PRNP: variants seen among roughly 807,000 people sequenced by gnomAD.
The protein encoded by PRNP is major prion protein.
A neutral mutation model predicts 21.3 loss-of-function variants in PRNP; 15 were observed. The ratio of observed to expected loss-of-function variants is 0.71; its 90% CI spans 0.47 to 1.09. The LOEUF is 1.09. PRNP is among the 50% of genes least tolerant of loss of function. PRNP has a pLI of 0.00. For missense variants in PRNP, 285 were observed against 340.9 expected, an observed-to-expected ratio of 0.84 and a Z score of 1.29; for synonymous variants, 121 against 123.1, an observed-to-expected ratio of 0.98 and a Z score of 0.11.
intron 1 of PRNP, among the ~76,000 whole-genome samples, chr20:4,698,415 A>G (rs1922305926): frequency 6.6e-6 from 1 of 152,168 alleles, no homozygotes; most frequent in African/African-American, 2.4e-5. Flanking sequence ...ATTTGCAGCT[A>G]ATTGGGTGAT....
rs776188950 is a variant in PRNP, at chr20:4,699,379, C to T, written c.159C>T (p.Gly53=). Residue 53 remains glycine (G), a synonymous_variant, in exon 2 of 2, where the codon GGC becomes GGT. Coordinates refer to ENST00000379440, the MANE Select transcript of PRNP (RefSeq NM_000311.5). This position sits in a 1 kb window ranked among gnomAD's most constrained non-coding sequence, Gnocchi z 5.8. ...SPGGNRYPPQ[G]GGGWGQPHGG... ...GAGGCAACCGCTACCCACCTCAGGGCGGTGGTGGCTGGGGGCAGCCTCATG... is the reference window on the plus strand; with the variant it reads ...GAGGCAACCGCTACCCACCTCAGGGTGGTGGTGGCTGGGGGCAGCCTCATG... 82 of 1,613,174 alleles carry T rather than the reference C, an allele frequency of 5.1e-5. No homozygotes were observed. The Middle Eastern group carries it at 6.7e-4, about 13-fold the overall frequency.
chr20:4,695,332 G>A (rs1410214363), intron 1 of PRNP, among the ~76,000 whole-genome samples: 1 of 151,962 alleles, frequency 6.6e-6, no homozygotes, highest in Non-Finnish European at 1.5e-5. Flanking sequence ...TCCTCTGCAT[G>A]CGTCCATGTG....
chr20:4,688,811 C>T (rs1921637856), intron 1 of PRNP, among the ~76,000 whole-genome samples: 1 of 152,194 alleles, frequency 6.6e-6, no homozygotes, highest in African/African-American at 2.4e-5. Flanking sequence ...AAAGGAAAAG[C>T]ACAGAAAATG....
chr20:4,696,541 A>G (rs1382338070), intron 1 of PRNP, among the ~76,000 whole-genome samples: 1 of 152,176 alleles, frequency 6.6e-6, no homozygotes, highest in Non-Finnish European at 1.5e-5. Context: ...TTCTATGTGC[A>G]TGATCACACT....
In PRNP at chr20:4,700,527, G is replaced by A. The variant is rs1922537333; in HGVS notation, c.*545G>A. On this transcript the variant is annotated 3_prime_UTR_variant, in exon 2 of 2. Coordinates refer to ENST00000379440, the MANE Select transcript of PRNP (RefSeq NM_000311.5). This position sits in a 1 kb window ranked among gnomAD's most constrained non-coding sequence, Gnocchi z 4.1. ...CTTGGGATGCAGGCTCAGCCCGCTG[G>A]AGCATGAGCTCTGTGTGTACCGAGA... 1 of 312,184 alleles carries A rather than the reference G, an allele frequency of 3.2e-6. No homozygotes were observed. The highest frequency in any genetic ancestry group is 2.2e-5 in the African/African-American group (1 of 45,490). The allele number at this position is 312,184 out of a possible 1,614,324, so 19.3% of individuals were successfully genotyped here. A position where few individuals can be genotyped will look rare whatever the true frequency, so the allele number is the denominator to read the frequency against.
chr20:4,689,116 G>A (rs1921663247), intron 1 of PRNP, among the ~76,000 whole-genome samples: 1 of 152,060 alleles, frequency 6.6e-6, no homozygotes, highest in Non-Finnish European at 1.5e-5. Flanking sequence ...ATCAATTCTA[G>A]TTTTTTGTTG....
chr20:4,686,843 G>C lies in PRNP; in HGVS notation c.-11+331G>C, dbSNP rs1485650723. On this transcript the variant is annotated intron_variant, in intron 1 of 1. Transcript: ENST00000379440. This position sits in a 1 kb window ranked among gnomAD's most constrained non-coding sequence, Gnocchi z 6.7. ...TGTCTCAGCGCCCCCTGCACCCCGC[G>C]CGGGTCCGGCCCAGCGGGCGATCGC... The C allele has an allele frequency of 1.3e-5, 2 of 151,654 alleles. No individual in the cohort carries two copies. Among genetic ancestry groups the C allele is most frequent in the Non-Finnish European group, 2.9e-5 (2 of 67,864 alleles). The allele number at this position is 151,654 out of a possible 1,614,324, so 9.4% of individuals were successfully genotyped here.
chr20:4,695,008 C>T (rs1002684476), intron 1 of PRNP, among the ~76,000 whole-genome samples: 1 of 151,878 alleles, frequency 6.6e-6, no homozygotes, highest in East Asian at 1.9e-4. Context: ...TGTAAGAATT[C>T]CTTGCAAGTT....
At chr20:4,691,259 T>C (rs1921810023) in intron 1 of PRNP, among the ~76,000 whole-genome samples, 1 of 152,186 alleles carries the variant, frequency 6.6e-6, no homozygotes, top group Non-Finnish European at 1.5e-5. Flanking sequence ...ATAGAATCCC[T>C]ATCAAAATAC....
chr20:4,695,358 T>A (rs1056929943), intron 1 of PRNP, among the ~76,000 whole-genome samples: 1 of 152,148 alleles, frequency 6.6e-6, no homozygotes, highest in Admixed American at 6.5e-5. Flanking sequence ...ATCATTTAGG[T>A]CCCACTTATA....
rs533534882 is a variant in PRNP, at chr20:4,688,296, C to T, written c.-11+1784C>T. Among the ~76,000 whole-genome samples the T allele has an allele frequency of 7.9e-5, 12 of 152,260 alleles. No individual in the cohort carries two copies. The East Asian group carries it at 2.3e-3, about 29-fold the overall frequency. ...TCAAGTGTCTGGGGAGGTGGCAGGGCTTTGGGGTCACAAAGATGGTTCTGC... is the reference window on the plus strand; with the variant it reads ...TCAAGTGTCTGGGGAGGTGGCAGGGTTTTGGGGTCACAAAGATGGTTCTGC... On this transcript the variant is annotated intron_variant, in intron 1 of 1. Transcript: ENST00000379440.
rs1015540959 is a variant in PRNP at position 4,699,216 on chromosome 20, T to C, written c.-5T>C. The C allele has an allele frequency of 5.0e-6, 8 of 1,613,878 alleles. No homozygotes were observed. The highest frequency in any genetic ancestry group is 6.8e-6 in the Non-Finnish European group (8 of 1,180,044). On this transcript the variant is annotated 5_prime_UTR_variant, in exon 2 of 2. Coordinates refer to ENST00000379440, the MANE Select transcript of PRNP (RefSeq NM_000311.5). This position sits in a 1 kb window ranked among gnomAD's most constrained non-coding sequence, Gnocchi z 5.8. The stretch of plus-strand genomic sequence containing the variant: ...TTCTCCTCTTCATTTTGCAGAGCAG[T>C]CATTATGGCGAACCTTGGCTGCTGG...
intron 1 of PRNP, among the ~76,000 whole-genome samples, chr20:4,695,793 C>T (rs1922131641): frequency 6.6e-6 from 1 of 152,218 alleles, no homozygotes; most frequent in South Asian, 2.1e-4. Context: ...CTTCTAGCGC[C>T]AAACTTGTAC....
chr20:4,692,863 G>A (rs1340948430), intron 1 of PRNP, among the ~76,000 whole-genome samples: 1 of 152,124 alleles, frequency 6.6e-6, no homozygotes, highest in Non-Finnish European at 1.5e-5. Flanking sequence ...GTGGCTAAGT[G>A]TGCCCACCTG....
chr20:4,698,479 C>T (rs1020456330), intron 1 of PRNP, among the ~76,000 whole-genome samples: 4 of 152,052 alleles, frequency 2.6e-5, no homozygotes, highest in Non-Finnish European at 4.4e-5. Flanking sequence ...GCAACAGTTT[C>T]GGTTGCACGT....
Position 4,700,008 on chromosome 20 carries a change from T to C in PRNP, c.*26T>C. Reference sequence around the variant, plus strand: ...GGAAGGTCTTCCTGTTTTCACCATCTTTCTAATCTTTTTCCAGCTTGAGGG... The same window carrying C: ...GGAAGGTCTTCCTGTTTTCACCATCCTTCTAATCTTTTTCCAGCTTGAGGG... On this transcript the variant is annotated 3_prime_UTR_variant, in exon 2 of 2. Coordinates refer to ENST00000379440, the MANE Select transcript of PRNP (RefSeq NM_000311.5). This position sits in a 1 kb window ranked among gnomAD's most constrained non-coding sequence, Gnocchi z 4.1. The C allele has an allele frequency of 1.3e-6, 2 of 1,578,648 alleles. No individual in the cohort carries two copies. Among genetic ancestry groups the C allele is most frequent in the Non-Finnish European group, 8.6e-7 (1 of 1,161,592 alleles).
At position 4,699,302 on chromosome 20, in the gene PRNP, C is replaced by A. The variant is rs1369247240; in HGVS notation, c.82C>A (p.Pro28Thr). ...DLGLCKKRPK[P>T]GGWNTGGSRY... is the part of the protein sequence containing the mutation. The stretch of plus-strand genomic sequence containing the variant: ...GGGCCTCTGCAAGAAGCGCCCGAAG[C>A]CTGGAGGATGGAACACTGGGGGCAG... Residue 28 changes from proline (P) to threonine (T), a missense_variant, in exon 2 of 2, where the codon CCT becomes ACT. Physicochemically the swap from Pro to Thr is conservative, Grantham distance 38 (BLOSUM62 -1). Transcript: ENST00000379440. This position sits in a 1 kb window ranked among gnomAD's most constrained non-coding sequence, Gnocchi z 5.8. 1 of 1,614,092 alleles carries A rather than the reference C, an allele frequency of 6.2e-7. No homozygotes were observed.
intron 1 of PRNP, among the ~76,000 whole-genome samples, chr20:4,693,548 C>G (rs574964834): frequency 6.6e-6 from 1 of 152,242 alleles, no homozygotes; most frequent in African/African-American, 2.4e-5. Context: ...AGAAATTTCT[C>G]TCTGTGGACC....
chr20:4,687,882 G>T (rs1221675237), intron 1 of PRNP, among the ~76,000 whole-genome samples: 1 of 152,196 alleles, frequency 6.6e-6, no homozygotes, highest in East Asian at 1.9e-4. Context: ...CATAGGAACA[G>T]GGAATTGGAT....
Sources: allele counts gnomAD v4.1 joint callset (sites outside exome capture counted in the v4.1 genomes callset), GRCh38; gene constraint gnomAD v4.1.1; non-coding constraint Gnocchi (gnomAD v3.1); transcripts MANE v1.5; gene names NCBI Gene and HGNC (gene_info 2026-07-23, HGNC 2026-07-21).